Variants in EPM2A observed in about 807,000 individuals in gnomAD.
EPM2A encodes EPM2A glucan phosphatase, laforin, also known as laforin.
Under a neutral mutation model 26.5 loss-of-function variants are expected in EPM2A, and 21 were observed. The ratio of observed to expected loss-of-function variants is 0.79; its 90% CI spans 0.56 to 1.14. The LOEUF is 1.14. Among genes scored for constraint, EPM2A ranks in the 50% most tolerant of loss-of-function variants. The probability of loss-of-function intolerance (pLI) is 0.00; values close to 1 mark genes in which losing one functional copy is unlikely to be tolerated. For synonymous variants in EPM2A, 217 were observed against 177.6 expected (o/e 1.22, Z -1.76); for missense variants, 458 against 440.8 (o/e 1.04, Z -0.35).
At chr6:145,428,366 C>T (rs1778879040) in intron 4 of EPM2A, among the ~76,000 whole-genome samples, 1 of 151,902 alleles carries the variant, frequency 6.6e-6, no homozygotes, top group Admixed American at 6.6e-5. Context: ...CTTTTATTTG[C>T]TTCTGTCACT....
intron 2 of EPM2A, among the ~76,000 whole-genome samples, chr6:145,681,661 A>G (rs902771087): frequency 6.7e-4 from 102 of 151,796 alleles, no homozygotes; most frequent in African/African-American, 2.3e-3. Flanking sequence ...TCCTTTCCCC[A>G]TTGCTTGTTT....
chr6:145,447,250 G>A (rs1779138797), intron 4 of EPM2A, among the ~76,000 whole-genome samples: 1 of 152,046 alleles, frequency 6.6e-6, no homozygotes, highest in Admixed American at 6.6e-5. Context: ...GTACACACTT[G>A]GGAAACTTTG....
At chr6:145,731,195 C>A (rs533861568) in intron 1 of EPM2A, among the ~76,000 whole-genome samples, 29 of 152,226 alleles carry the variant, frequency 1.9e-4, no homozygotes, top group Non-Finnish European at 3.8e-4. Context: ...CCCAGCCACA[C>A]ACCCTGAGCG....
intron 4 of EPM2A, among the ~76,000 whole-genome samples, chr6:145,435,505 G>T (rs1778977993): frequency 6.7e-6 from 1 of 149,798 alleles, no homozygotes; most frequent in Non-Finnish European, 1.5e-5. Flanking sequence ...TAATAATCAA[G>T]AAATAATGAA....
intron 2 of EPM2A, among the ~76,000 whole-genome samples, chr6:145,562,242 A>G (rs73564491): frequency 0.016 from 2,432 of 152,154 alleles, 62 homozygotes; most frequent in African/African-American, 0.055. Context: ...AACACTTAAA[A>G]TCTACTTTTT....
intron 2 of EPM2A, among the ~76,000 whole-genome samples, chr6:145,668,984 C>T (rs1218957415): frequency 1.3e-5 from 2 of 151,988 alleles, no homozygotes; most frequent in Non-Finnish European, 2.9e-5. Flanking sequence ...TGTGTACATG[C>T]ATGTGTGTAT....
chr6:145,696,775 A>ATGTGTG lies in EPM2A; in HGVS notation c.302-10485_302-10480dup, dbSNP rs35621582. ...TCAAACATCTGGCACAGGTAGGGGT[A>ATGTGTG]TGTGTGTGTGTGTGTGTGTGTGTGT... On this transcript the variant is annotated intron_variant, in intron 1 of 3. Coordinates refer to ENST00000367519, the MANE Select transcript of EPM2A (RefSeq NM_005670.4). 5.4e-3 allele frequency among the ~76,000 whole-genome samples: 737 copies of ATGTGTG among 135,290 alleles called. 3 individuals are homozygous for ATGTGTG. Among genetic ancestry groups the ATGTGTG allele is most frequent in the Middle Eastern group, 0.019 (5 of 264 alleles). The allele number at this position is 135,290 out of a possible 152,430, so 88.8% of individuals were successfully genotyped here. A position where few individuals can be genotyped will look rare whatever the true frequency, so the allele number is the denominator to read the frequency against.
chr6:145,730,853 G>T (rs1322752882), intron 1 of EPM2A, among the ~76,000 whole-genome samples: 1 of 152,140 alleles, frequency 6.6e-6, no homozygotes, highest in Non-Finnish European at 1.5e-5. Context: ...ACATGAAAGA[G>T]GAAACCTAAC....
At chr6:145,722,732 A>C (rs1480298945) in intron 1 of EPM2A, 1 of 451,868 alleles carries the variant, frequency 2.2e-6, no homozygotes, top group East Asian at 7.1e-5. Flanking sequence ...TTACAGTGGT[A>C]ATAAAGTTAA....
intron 2 of EPM2A, among the ~76,000 whole-genome samples, chr6:145,619,159 CAA>C (rs56846417): frequency 3.6e-5 from 5 of 137,322 alleles, no homozygotes; most frequent in African/African-American, 1.0e-4. Flanking sequence ...GGAGGTCTGG[CAA>C]AAAAAAAAAA....
rs75424683 is a variant in EPM2A, at chr6:145,722,668, A to G, written c.301+12530T>C. On this transcript the variant is annotated intron_variant, in intron 1 of 3. Transcript: ENST00000367519. ...GAGCTGTGTCCCCCAAAATTCATAT[A>G]AAAGTCCTAACTCCTAGATCCTCAG... 1.0e-3 allele frequency: 410 copies of G among 400,774 alleles called. 5 individuals carry two copies. In the East Asian group the frequency reaches 0.025, roughly 25 times the overall value. 24.8% of individuals were successfully genotyped at this position (400,774 alleles called of 1,614,324 possible).
chr6:145,637,913 T>C (rs1776813158), intron 2 of EPM2A: 1 of 152,256 alleles, frequency 6.6e-6, no homozygotes, highest in Non-Finnish European at 1.5e-5. Flanking sequence ...AGTGAGGTGA[T>C]AGTGCTGGGC....
downstream of EPM2A, among the ~76,000 whole-genome samples, chr6:145,500,534 G>C (rs1779875661): frequency 6.6e-6 from 1 of 152,126 alleles, no homozygotes; most frequent in Non-Finnish European, 1.5e-5. Flanking sequence ...TCCCCCTCCT[G>C]ATCTATCCCC....
chr6:145,502,179 G>C (rs907634472), intron 3 of EPM2A, among the ~76,000 whole-genome samples: 1 of 152,216 alleles, frequency 6.6e-6, no homozygotes, highest in African/African-American at 2.4e-5. Context: ...GTCAATTAAA[G>C]GAAAGGCAAC....
chr6:145,724,352 CA>C (rs1184664156), intron 1 of EPM2A, among the ~76,000 whole-genome samples: 4 of 151,816 alleles, frequency 2.6e-5, no homozygotes, highest in Admixed American at 2.0e-4. Flanking sequence ...AATAGCATAC[CA>C]AAAACCCTTA....
At chr6:145,426,740 T>A (rs1238514500) in intron 4 of EPM2A, among the ~76,000 whole-genome samples, 1 of 152,182 alleles carries the variant, frequency 6.6e-6, no homozygotes, top group Non-Finnish European at 1.5e-5. Flanking sequence ...ATTTAATTTT[T>A]AAAAATTATT....
At chr6:145,641,781 A>T (rs1409419705) in intron 2 of EPM2A, among the ~76,000 whole-genome samples, 1 of 151,774 alleles carries the variant, frequency 6.6e-6, no homozygotes, top group African/African-American at 2.4e-5. Flanking sequence ...TCACCTGCGC[A>T]CCTCTCACAT....
chr6:145,590,140 G>T (rs1388925051), intron 2 of EPM2A, among the ~76,000 whole-genome samples: 1 of 152,030 alleles, frequency 6.6e-6, no homozygotes, highest in Non-Finnish European at 1.5e-5. Context: ...TGTAGACTAA[G>T]TATAGACTAC....
intron 4 of EPM2A, among the ~76,000 whole-genome samples, chr6:145,473,079 G>T (rs1779496865): frequency 6.6e-6 from 1 of 152,002 alleles, no homozygotes; most frequent in Non-Finnish European, 1.5e-5. Context: ...AACAATCCTG[G>T]AGAAACAGAG....
Sources: allele counts gnomAD v4.1 joint callset (sites outside exome capture counted in the v4.1 genomes callset), GRCh38; gene constraint gnomAD v4.1.1; transcripts MANE v1.5; gene names NCBI Gene and HGNC (gene_info 2026-07-23, HGNC 2026-07-21).